Variants in NELL2 observed in about 807,000 individuals in gnomAD.
NELL2 encodes protein kinase C-binding protein NELL2.
In NELL2, 41 loss-of-function variants were observed where a neutral mutation model predicts 109.6. The observed-to-expected ratio is 0.37, with a 90% CI of 0.29 to 0.49. The LOEUF (loss-of-function observed/expected upper bound fraction) is 0.49, where lower values mean the gene tolerates loss of function less well. NELL2 is among the 20% of genes least tolerant of loss of function. The pLI is 0.98. For synonymous variants in NELL2, 355 were observed against 344.7 expected (o/e 1.03, Z -0.33); for missense variants, 900 against 1,008.3 (o/e 0.89, Z 1.45).
At chr12:44,532,480 A>C in intron 16 of NELL2, 101 bp downstream of exon 16, 1 of 1,249,528 alleles carries the variant, frequency 8.0e-7, no homozygotes, top group East Asian at 2.4e-5. Context: ...ACATATAGTA[A>C]AAACACTAAC....
intron 2 of NELL2, among the ~76,000 whole-genome samples, chr12:44,818,732 T>A (rs1656243941): frequency 1.0e-5 from 1 of 99,226 alleles, no homozygotes; most frequent in African/African-American, 4.4e-5. Flanking sequence ...CTTATTTTTT[T>A]TTTTTTATTT....
At chr12:44,579,904 T>A (rs1944262152) in intron 15 of NELL2, among the ~76,000 whole-genome samples, 1 of 152,192 alleles carries the variant, frequency 6.6e-6, no homozygotes, top group African/African-American at 2.4e-5. Context: ...TCTGAGAGAG[T>A]GCATCAAATG....
At chr12:44,639,343 A>G (rs1228120440) in intron 13 of NELL2, among the ~76,000 whole-genome samples, 4 of 152,174 alleles carry the variant, frequency 2.6e-5, no homozygotes, top group Non-Finnish European at 4.4e-5. Context: ...CAAATTCATG[A>G]ACCCATGTAA....
chr12:44,726,727 C>A (rs895304676), intron 9 of NELL2, among the ~76,000 whole-genome samples: 21 of 152,034 alleles, frequency 1.4e-4, no homozygotes, highest in Non-Finnish European at 2.8e-4. Flanking sequence ...ATGAGAAAAA[C>A]AGTACTTTTT....
intron 3 of NELL2, among the ~76,000 whole-genome samples, chr12:44,789,275 C>T (rs776266076): frequency 3.3e-5 from 5 of 152,118 alleles, no homozygotes; most frequent in Non-Finnish European, 7.4e-5. Flanking sequence ...GCTGAGAGAC[C>T]CATAGACGAT....
chr12:44,580,677 C>T (rs1257606249), intron 15 of NELL2, among the ~76,000 whole-genome samples: 1 of 152,168 alleles, frequency 6.6e-6, no homozygotes. Context: ...CGCGCTACTG[C>T]ACTCTAGCCT....
intron 1 of NELL2, among the ~76,000 whole-genome samples, chr12:44,893,965 A>T (rs1025140025): frequency 1.3e-5 from 2 of 152,216 alleles, no homozygotes; most frequent in Non-Finnish European, 2.9e-5. Context: ...TTCTAGAAAA[A>T]TAAACGAAAA....
intron 9 of NELL2, among the ~76,000 whole-genome samples, chr12:44,748,386 A>G (rs1353211531): frequency 6.6e-6 from 1 of 152,124 alleles, no homozygotes; most frequent in Non-Finnish European, 1.5e-5. Context: ...CTTTATAGAC[A>G]AGGAATCGCT....
chr12:44,857,047 T>G (rs942451225), intron 2 of NELL2, among the ~76,000 whole-genome samples: 1 of 152,196 alleles, frequency 6.6e-6, no homozygotes, highest in African/African-American at 2.4e-5. Flanking sequence ...GTGGTGGGTA[T>G]TGTATCAGAG....
intron 9 of NELL2, among the ~76,000 whole-genome samples, chr12:44,747,246 C>T (rs1481346159): frequency 6.7e-6 from 1 of 150,042 alleles, no homozygotes; most frequent in Admixed American, 6.7e-5. Flanking sequence ...GGGAATTGAA[C>T]AATGAGAACA....
chr12:44,866,832 A>T (rs1945015183), intron 2 of NELL2, among the ~76,000 whole-genome samples: 1 of 152,116 alleles, frequency 6.6e-6, no homozygotes, highest in South Asian at 2.1e-4. Flanking sequence ...ACATCATGAG[A>T]CTACTATAAA....
chr12:44,705,016 CAAAAA>C (rs11380443), intron 11 of NELL2, among the ~76,000 whole-genome samples: 4 of 103,318 alleles, frequency 3.9e-5, no homozygotes, highest in African/African-American at 4.7e-5. Flanking sequence ...AGGACTCCAT[CAAAAA>C]AAAAAAAAAA....
At chr12:44,701,187 A>G (rs745390231) in intron 12 of NELL2, among the ~76,000 whole-genome samples, 2 of 152,128 alleles carry the variant, frequency 1.3e-5, no homozygotes, top group Admixed American at 6.6e-5. Context: ...GCCATATTTG[A>G]TAAGAATTAT....
intron 15 of NELL2, among the ~76,000 whole-genome samples, chr12:44,574,215 C>T (rs1592141297): frequency 6.6e-6 from 1 of 152,176 alleles, no homozygotes; most frequent in Non-Finnish European, 1.5e-5. Context: ...AGTGAACCTG[C>T]CTCAGTCTCC....
intron 2 of NELL2, among the ~76,000 whole-genome samples, chr12:44,870,970 G>A (rs1945144318): frequency 6.6e-6 from 1 of 152,022 alleles, no homozygotes; most frequent in East Asian, 1.9e-4. Flanking sequence ...TGCTCTATTA[G>A]TATAGCCTAC....
chr12:44,672,091 A>C (rs943209717), intron 12 of NELL2, among the ~76,000 whole-genome samples: 10 of 152,230 alleles, frequency 6.6e-5, no homozygotes, highest in Admixed American at 5.2e-4. Flanking sequence ...AAGCAGCTTC[A>C]GTGTCTAGAA....
chr12:44,735,730 T>C (rs1234619213), intron 9 of NELL2, among the ~76,000 whole-genome samples: 1 of 152,174 alleles, frequency 6.6e-6, no homozygotes, highest in Non-Finnish European at 1.5e-5. Context: ...GGTTTTGGTC[T>C]GAGAATCCCT....
intron 9 of NELL2, among the ~76,000 whole-genome samples, chr12:44,743,266 C>A (rs564100875): frequency 5.9e-5 from 9 of 152,270 alleles, no homozygotes; most frequent in African/African-American, 2.2e-4. Flanking sequence ...GATTTTGTCA[C>A]CACCAGGCCT....
intron 12 of NELL2, among the ~76,000 whole-genome samples, chr12:44,681,407 A>G (rs1013457930): frequency 2.7e-5 from 4 of 147,778 alleles, no homozygotes; most frequent in Admixed American, 6.8e-5. Flanking sequence ...TATTTATTTT[A>G]TTTTATTTTA....
Sources: allele counts gnomAD v4.1 joint callset (sites outside exome capture counted in the v4.1 genomes callset), GRCh38; gene constraint gnomAD v4.1.1; transcripts MANE v1.5; gene names NCBI Gene and HGNC (gene_info 2026-07-23, HGNC 2026-07-21).